The following PIWIL1 variants were observed in gnomAD, a reference collection of about 807,000 sequenced individuals.
PIWIL1 encodes the protein piwi-like protein 1.
In PIWIL1, 73 loss-of-function variants were observed where a neutral mutation model predicts 114.4. That is an observed-to-expected ratio of 0.64 (90% CI 0.53 to 0.78). PIWIL1 has a LOEUF of 0.78. Ranked by LOEUF, PIWIL1 falls within the 30% of genes least tolerant of loss-of-function variation. PIWIL1 has a pLI of 0.00. For synonymous variants in PIWIL1, 375 were observed against 369.0 expected, an observed-to-expected ratio of 1.02 and a Z score of -0.19; for missense variants, 723 against 1,063.1, an observed-to-expected ratio of 0.68 and a Z score of 4.45.
At chr12:130,412,516 A>T in the PIWIL1 span, 2 of 1,073,118 alleles carry the variant, frequency 1.9e-6, no homozygotes, top group Non-Finnish European at 2.7e-6. Flanking sequence ...GCATATTTAA[A>T]TGATGCAATT....
chr12:130,414,966 A>G, the PIWIL1 span, among the ~76,000 whole-genome samples: 2 of 152,320 alleles, frequency 1.3e-5, no homozygotes, highest in Non-Finnish European at 2.9e-5. Flanking sequence ...GCTGAATTCT[A>G]CCAACATACA....
chr12:130,393,391 C>G, the PIWIL1 span, among the ~76,000 whole-genome samples: 1 of 151,450 alleles, frequency 6.6e-6, no homozygotes, highest in Non-Finnish European at 1.5e-5. Flanking sequence ...ATGACCCAGT[C>G]ACCGTCATCA....
chr12:130,404,928 T>C, the PIWIL1 span, among the ~76,000 whole-genome samples: 1 of 152,300 alleles, frequency 6.6e-6, no homozygotes, highest in South Asian at 2.1e-4. Flanking sequence ...TTAAAACGTA[T>C]TCATTTTTTA....
At chr12:130,348,063 A>G in intron 6 of PIWIL1, 40 bp from the exon 7 acceptor site, 1 of 1,294,712 alleles carries the variant, frequency 7.7e-7, no homozygotes, top group Non-Finnish European at 1.1e-6. Context: ...CGTATTAGAG[A>G]TACTTATCAA....
chr12:130,417,040 G>T, the PIWIL1 span, among the ~76,000 whole-genome samples: 1 of 152,112 alleles, frequency 6.6e-6, no homozygotes. Context: ...ATCACAATGA[G>T]ATACCATCTC....
the PIWIL1 span, among the ~76,000 whole-genome samples, chr12:130,416,451 C>T: frequency 0.7 from 106,892 of 151,996 alleles, 37,823 homozygotes; most frequent in South Asian, 0.87. Context: ...TTTGACAAAG[C>T]TGAGAAAAAT....
At chr12:130,370,786 G>A (rs867109367) in intron 19 of PIWIL1, among the ~76,000 whole-genome samples, 1 of 152,164 alleles carries the variant, frequency 6.6e-6, no homozygotes, top group Admixed American at 6.5e-5. Context: ...CCTGAAGCTC[G>A]ACCCACTCGC....
the PIWIL1 span, among the ~76,000 whole-genome samples, chr12:130,405,335 A>G: frequency 2.0e-5 from 3 of 152,158 alleles, no homozygotes; most frequent in Non-Finnish European, 2.9e-5. Context: ...AATCCTACAC[A>G]TGCCTGCGGC....
chr12:130,372,992 T>TA (rs1241269830), downstream of PIWIL1, among the ~76,000 whole-genome samples: 1 of 152,230 alleles, frequency 6.6e-6, no homozygotes, highest in African/African-American at 2.4e-5. Flanking sequence ...TCATTTGTCT[T>TA]ACCTTTGTGG....
intron 14 of PIWIL1, among the ~76,000 whole-genome samples, chr12:130,358,743 CCAGCTTT>C (rs1314138698): frequency 6.6e-6 from 1 of 152,130 alleles, no homozygotes; most frequent in Non-Finnish European, 1.5e-5. Context: ...CACTGTTTGT[CCAGCTTT>C]CTATAAATTG....
At chr12:130,382,426 C>T in the PIWIL1 span, among the ~76,000 whole-genome samples, 5 of 152,254 alleles carry the variant, frequency 3.3e-5, no homozygotes, top group African/African-American at 1.2e-4. Flanking sequence ...CAAAAATTCC[C>T]TGACCCTCTT....
chr12:130,392,961 A>G, the PIWIL1 span, among the ~76,000 whole-genome samples: 13,975 of 37,586 alleles, frequency 0.37, 4,026 homozygotes, highest in Non-Finnish European at 0.54. Flanking sequence ...GTGATGACCC[A>G]GTCACCGTCA....
chr12:130,401,842 TGGA>T, the PIWIL1 span, among the ~76,000 whole-genome samples: 1 of 152,144 alleles, frequency 6.6e-6, no homozygotes, highest in Admixed American at 6.5e-5. Context: ...GAGCACCAGA[TGGA>T]GTAGTTGGCT....
the PIWIL1 span, among the ~76,000 whole-genome samples, chr12:130,415,051 T>A: frequency 6.6e-6 from 1 of 152,332 alleles, no homozygotes; most frequent in Middle Eastern, 3.4e-3. Context: ...TAACTCATTC[T>A]ATGAAGCCAA....
At chr12:130,367,904 TCTCATGCCGTAGC>T (rs1240001597) in intron 19 of PIWIL1, among the ~76,000 whole-genome samples, 4 of 152,116 alleles carry the variant, frequency 2.6e-5, no homozygotes, top group Admixed American at 1.3e-4. Flanking sequence ...TTCAAGGAAT[TCTCATGCCGTAGC>T]CTCCTGAATA....
At chr12:130,364,956 C>G (rs1456074423) in intron 18 of PIWIL1, among the ~76,000 whole-genome samples, 4 of 152,182 alleles carry the variant, frequency 2.6e-5, no homozygotes, top group African/African-American at 9.7e-5. Flanking sequence ...AGTACACACT[C>G]CTGGCCTTGC....
At chr12:130,357,365 G>A in intron 13 of PIWIL1, 116 bp from the exon 14 acceptor site, 2 of 770,018 alleles carry the variant, frequency 2.6e-6, no homozygotes, top group Non-Finnish European at 4.3e-6. Context: ...GCTAGTCTCG[G>A]TGTTTGATTT....
At chr12:130,345,652 C>T in intron 3 of PIWIL1, 101 bp from the exon 4 acceptor site, 1 of 1,259,100 alleles carries the variant, frequency 7.9e-7, no homozygotes, top group South Asian at 1.4e-5. Context: ...TCTTCTACAC[C>T]TCAGTATCCT....
At chr12:130,423,393 G>A in the PIWIL1 span, among the ~76,000 whole-genome samples, 2 of 152,192 alleles carry the variant, frequency 1.3e-5, no homozygotes, top group Non-Finnish European at 2.9e-5. Flanking sequence ...GCAAGCACAC[G>A]GCCTCAGACC....
Sources: gnomAD v4.1 joint callset for allele counts (sites outside exome capture counted in the v4.1 genomes callset) on GRCh38, gnomAD v4.1.1 for gene constraint, MANE v1.5 for transcripts, NCBI Gene and HGNC (gene_info 2026-07-23, HGNC 2026-07-21) for gene names.